Variants in TCAF1 observed in about 807,000 individuals in gnomAD.
TCAF1 encodes TRPM8 channel-associated factor 1.
TCAF1 carries 4 observed loss-of-function variants against 27.3 expected under a neutral mutation model. That is an observed-to-expected ratio of 0.15 (90% CI 0.07 to 0.34). TCAF1 has a LOEUF of 0.34. Among genes scored for constraint, TCAF1 ranks in the 10% least tolerant of loss-of-function variants. The pLI is 1.00. For synonymous variants in TCAF1, 105 were observed against 167.1 expected (o/e 0.63, Z 2.87); for missense variants, 257 against 425.8 (o/e 0.60, Z 3.49).
chr7:143,890,976 A>G (rs1318776504), intron 1 of TCAF1, among the ~76,000 whole-genome samples: 2 of 152,242 alleles, frequency 1.3e-5, no homozygotes, highest in African/African-American at 2.4e-5. Context: ...CAACAAAAAG[A>G]AACATTCTAA....
intron 1 of TCAF1, among the ~76,000 whole-genome samples, chr7:143,900,773 T>C (rs1814080510): frequency 1.3e-5 from 2 of 152,240 alleles, no homozygotes; most frequent in African/African-American, 2.4e-5. Context: ...CAATCCAATG[T>C]CCATCAGCAG....
intron 1 of TCAF1, among the ~76,000 whole-genome samples, chr7:143,887,107 C>T (rs894368566): frequency 6.6e-6 from 1 of 152,056 alleles, no homozygotes; most frequent in African/African-American, 2.4e-5. Flanking sequence ...ATTTCTACTT[C>T]CCCTTGAGTT....
In TCAF1 at chr7:143,851,817, A is replaced by AT. The variant is rs1811306142; in HGVS notation, c.*2315dup. 1 of 151,986 alleles carries AT rather than the reference A, an allele frequency of 6.6e-6. No homozygotes were observed. The highest frequency in any genetic ancestry group is 1.9e-4 in the East Asian group (1 of 5,194). 9.4% of individuals were successfully genotyped at this position (151,986 alleles called of 1,614,324 possible). A position where few individuals can be genotyped will look rare whatever the true frequency, so the allele number is the denominator to read the frequency against. ...AGATCTTTTCATCCCCACTTTGAAT[A>AT]TATAAGTATCTCTACCTTTGATTCC... On this transcript the variant is annotated 3_prime_UTR_variant, in exon 9 of 9. Coordinates refer to ENST00000479870, the MANE Select transcript of TCAF1 (RefSeq NM_014719.3).
chr7:143,859,880 C>CAA (rs1811794195), intron 6 of TCAF1, among the ~76,000 whole-genome samples: 3 of 84,984 alleles, frequency 3.5e-5, no homozygotes, highest in Non-Finnish European at 6.2e-5. Context: ...TACATATATA[C>CAA]ATATATATAA....
chr7:143,859,902 TAATATATATTACGG>T (rs1371459891), intron 6 of TCAF1, among the ~76,000 whole-genome samples: 209 of 43,436 alleles, frequency 4.8e-3, no homozygotes, highest in Middle Eastern at 9.8e-3. Context: ...ATATATTATA[TAATATATATTACGG>T]AATATATATT....
At chr7:143,876,736 C>T (rs1189925442) in intron 1 of TCAF1, 114 bp from the exon 2 acceptor site, 2 of 758,768 alleles carry the variant, frequency 2.6e-6, no homozygotes, top group African/African-American at 1.8e-5. Flanking sequence ...GCAGATGAGG[C>T]TGACACTGGG....
chr7:143,871,122 G>A (rs894155356), intron 2 of TCAF1, among the ~76,000 whole-genome samples: 1 of 83,694 alleles, frequency 1.2e-5, no homozygotes, highest in African/African-American at 4.3e-5. Flanking sequence ...TGACACCATA[G>A]CACTGAGCAT....
chr7:143,877,441 C>A (rs1253422447), intron 1 of TCAF1, among the ~76,000 whole-genome samples: 1 of 152,158 alleles, frequency 6.6e-6, no homozygotes, highest in Non-Finnish European at 1.5e-5. Context: ...TGGTCAAAGC[C>A]ACAGGCTAGG....
chr7:143,887,256 A>C (rs1009057700), intron 1 of TCAF1, among the ~76,000 whole-genome samples: 35 of 152,166 alleles, frequency 2.3e-4, no homozygotes, highest in African/African-American at 8.2e-4. Context: ...AACAATTAAA[A>C]ATCCATATCA....
chr7:143,860,037 A>ATTAT lies in TCAF1; in HGVS notation c.2167+170_2167+171insATAA, dbSNP rs1250343408. ...AATATATATTATATATTATATATAT[A>ATTAT]ATATATAATATATATTATATATATT... On this transcript the variant is annotated intron_variant, in intron 6 of 8. Transcript: ENST00000479870. 8.8e-5 allele frequency among the ~76,000 whole-genome samples: 6 copies of ATTAT among 68,228 alleles called. 2 individuals carry two copies. The highest frequency in any genetic ancestry group is 3.6e-4 in the African/African-American group (6 of 16,810). The allele number at this position is 68,228 out of a possible 152,430, so 44.8% of individuals were successfully genotyped here.
At chr7:143,895,938 G>A (rs1294041241) in intron 1 of TCAF1, among the ~76,000 whole-genome samples, 1 of 111,654 alleles carries the variant, frequency 9.0e-6, no homozygotes, top group Non-Finnish European at 1.7e-5. Context: ...AAAAAAATGG[G>A]TGGGGGGAGG....
chr7:143,885,609 GT>G, intron 1 of TCAF1: 1 of 959,506 alleles, frequency 1.0e-6, no homozygotes, highest in Non-Finnish European at 1.2e-6. Context: ...GATGATCTCT[GT>G]GTAAAATAAT....
chr7:143,883,505 T>TTTTC (rs1554393180), intron 1 of TCAF1, among the ~76,000 whole-genome samples: 1 of 129,312 alleles, frequency 7.7e-6, no homozygotes, highest in African/African-American at 3.0e-5. Context: ...TTTTTCTTTT[T>TTTTC]TTTTTTTTTT....
At chr7:143,892,154 G>C (rs549451251) in intron 1 of TCAF1, among the ~76,000 whole-genome samples, 1 of 152,154 alleles carries the variant, frequency 6.6e-6, no homozygotes, top group South Asian at 2.1e-4. Context: ...GGAATTAATA[G>C]AGAACACTGA....
chr7:143,881,975 G>A (rs866233543), intron 1 of TCAF1: 2 of 151,848 alleles, frequency 1.3e-5, no homozygotes, highest in African/African-American at 2.4e-5. Flanking sequence ...GCGTGCCTCA[G>A]GGAGTATTCT....
rs780693169 is a variant in TCAF1 at position 143,876,319 on chromosome 7, G to T, written c.290C>A (p.Ser97Tyr). 2.5e-6 allele frequency: 4 copies of T among 1,614,224 alleles called. No individual in the cohort carries two copies. In the Admixed American group the frequency reaches 6.7e-5, roughly 27 times the overall value. ...GAGGATTTTGGCCAAAGGTGCCAGGGATGGGTGTACACCAATGGGAGCCCC... is the reference window on the plus strand; with the variant it reads ...GAGGATTTTGGCCAAAGGTGCCAGGTATGGGTGTACACCAATGGGAGCCCC... The part of the protein sequence containing the change: ...SPGAPIGVHP[S>Y]LAPLAKILEG... Residue 97 changes from serine to tyrosine, a missense_variant, in exon 2 of 9, where the codon TCC (serine) becomes TAC (tyrosine). This residue lies in a region of TCAF1 where 255 missense variants were observed against 260.1 expected (regional missense o/e 0.98). Transcript: ENST00000479870.
At chr7:143,891,434 A>G (rs1813630471) in intron 1 of TCAF1, among the ~76,000 whole-genome samples, 2 of 152,132 alleles carry the variant, frequency 1.3e-5, no homozygotes, top group Admixed American at 1.3e-4. Flanking sequence ...AACTCATAAA[A>G]AAGTAAAATG....
chr7:143,883,318 C>G (rs1813183204), intron 1 of TCAF1, among the ~76,000 whole-genome samples: 3 of 152,098 alleles, frequency 2.0e-5, no homozygotes, highest in Non-Finnish European at 2.9e-5. Flanking sequence ...GGCTACATTT[C>G]TACCCATTAA....
At chr7:143,896,690 T>TA (rs1813882919) in intron 1 of TCAF1, among the ~76,000 whole-genome samples, 1 of 152,024 alleles carries the variant, frequency 6.6e-6, no homozygotes, top group African/African-American at 2.4e-5. Context: ...GGTACATTTA[T>TA]AAAAAATTCA....
Sources: gnomAD v4.1 joint callset for allele counts (sites outside exome capture counted in the v4.1 genomes callset) on GRCh38, gnomAD v4.1.1 for gene constraint, gnomAD v4.1.1 regional missense constraint, MANE v1.5 for transcripts, NCBI Gene and HGNC (gene_info 2026-07-23, HGNC 2026-07-21) for gene names.